The following DCK variants were observed in gnomAD, a reference collection of about 807,000 sequenced individuals.
DCK encodes deoxyadenosine kinase.
In DCK, 23 loss-of-function variants were observed where a neutral mutation model predicts 38.3. The observed-to-expected ratio is 0.60, with a 90% confidence interval of 0.43 to 0.85. The LOEUF is 0.85. DCK is among the 40% of genes least tolerant of loss of function. The pLI is 0.00. For missense variants in DCK, 259 were observed against 304.4 expected, an observed-to-expected ratio of 0.85 and a Z score of 1.11; for synonymous variants, 108 against 100.6, an observed-to-expected ratio of 1.07 and a Z score of -0.44.
At chr4:71,001,572 T>C (rs940057590) in intron 2 of DCK, among the ~76,000 whole-genome samples, 2 of 152,316 alleles carry the variant, frequency 1.3e-5, no homozygotes, top group Admixed American at 1.3e-4. Flanking sequence ...TACCAGTTCC[T>C]CTTTCTACCT....
chr4:71,008,178 G>A (rs1260050273), intron 2 of DCK, among the ~76,000 whole-genome samples: 1 of 152,188 alleles, frequency 6.6e-6, no homozygotes, highest in East Asian at 1.9e-4. Context: ...GTAGGAATAA[G>A]AAGTAAAATT....
chr4:70,993,994 G>A, intron 1 of DCK, 68 bp downstream of exon 1: 1 of 1,127,796 alleles, frequency 8.9e-7, no homozygotes, highest in Non-Finnish European at 1.3e-6. Flanking sequence ...GCTTCCCTTC[G>A]CCGCATCTCT....
At chr4:71,002,165 G>A (rs529137709) in intron 2 of DCK, among the ~76,000 whole-genome samples, 154 of 152,200 alleles carry the variant, frequency 1.0e-3, no homozygotes, top group African/African-American at 3.3e-3. Flanking sequence ...ATTGTGGTAC[G>A]TTATGTCTTT....
chr4:71,006,364 A>G (rs1739942538), intron 2 of DCK: 4 of 731,166 alleles, frequency 5.5e-6, no homozygotes, highest in Non-Finnish European at 6.7e-6. Context: ...ACCAAAATGT[A>G]TGGTTGTATG....
In DCK at chr4:71,022,542, G is replaced by T. The variant is rs1480788335; in HGVS notation, c.383G>T (p.Arg128Leu). 3.1e-6 allele frequency: 5 copies of T among 1,588,814 alleles called. No individual in the cohort carries two copies. Among genetic ancestry groups the T allele is most frequent in the East Asian group, 2.3e-5 (1 of 44,232 alleles). Reference protein sequence around the residue: ...DAEKPVLFFERSVYSDRYIFA... With the variant: ...DAEKPVLFFELSVYSDRYIFA... Reference sequence around the variant, plus strand: ...GAGAAACCTGTATTATTTTTTGAACGATCTGTGTATAGTGACAGGTATGTA... The same window carrying T: ...GAGAAACCTGTATTATTTTTTGAACTATCTGTGTATAGTGACAGGTATGTA... Residue 128 changes from arginine (R) to leucine (L), a missense_variant, in exon 3 of 7, where the codon CGA (arginine) becomes CTA (leucine). Transcript: ENST00000286648.
chr4:70,994,328 G>C (rs759683327), intron 1 of DCK, among the ~76,000 whole-genome samples: 5 of 152,188 alleles, frequency 3.3e-5, no homozygotes, highest in Non-Finnish European at 5.9e-5. Flanking sequence ...CCATGATCGA[G>C]ATACAGAACA....
At chr4:71,006,914 T>C (rs1157773475) in intron 2 of DCK, among the ~76,000 whole-genome samples, 2 of 152,132 alleles carry the variant, frequency 1.3e-5, no homozygotes, top group African/African-American at 4.8e-5. Flanking sequence ...AAAAAGTATC[T>C]AAAAAAATTT....
At chr4:71,013,832 T>C (rs867663508) in intron 2 of DCK, among the ~76,000 whole-genome samples, 87 of 152,240 alleles carry the variant, frequency 5.7e-4, no homozygotes, top group Admixed American at 2.2e-3. Context: ...CCATCGAGGC[T>C]AGGAGGAAAC....
At chr4:71,025,952 C>G (rs1376761841) in intron 5 of DCK, 21 bp downstream of exon 5, 1 of 1,556,036 alleles carries the variant, frequency 6.4e-7, no homozygotes, top group Non-Finnish European at 8.6e-7. Flanking sequence ...TTTTTATTTA[C>G]TATTCATTTT....
intron 2 of DCK, among the ~76,000 whole-genome samples, chr4:71,011,932 T>C (rs1031766507): frequency 3.9e-5 from 6 of 152,252 alleles, no homozygotes; most frequent in Non-Finnish European, 7.3e-5. Flanking sequence ...ATGTATCTTT[T>C]ACATAGTTGA....
chr4:70,995,847 T>C (rs1048430190), intron 1 of DCK, among the ~76,000 whole-genome samples: 2 of 152,196 alleles, frequency 1.3e-5, no homozygotes, highest in Non-Finnish European at 2.9e-5. Context: ...TGATTTTGCC[T>C]TTACCTACAC....
At position 70,998,047 on chromosome 4, in the gene DCK, T is replaced by G; in HGVS notation, c.92-20T>G. 7.4e-7 allele frequency: 1 copy of G among 1,342,418 alleles called. No individual in the cohort carries two copies. The highest frequency in any genetic ancestry group is 1.3e-5 in the South Asian group (1 of 75,314). 83.2% of individuals were successfully genotyped at this position (1,342,418 alleles called of 1,614,324 possible). A position where few individuals can be genotyped will look rare whatever the true frequency, so the allele number is the denominator to read the frequency against. ...TTCCTGACAACTTTTCTTCCTCAATTTTATCTTTCCTCACAACAGCTGCAG... is the reference window on the plus strand; with the variant it reads ...TTCCTGACAACTTTTCTTCCTCAATGTTATCTTTCCTCACAACAGCTGCAG... On this transcript the variant is annotated intron_variant, in intron 1 of 6. Transcript: ENST00000286648.
In DCK at chr4:71,013,563, G is replaced by A. The variant is rs530024797; in HGVS notation, c.208-8804G>A. On this transcript the variant is annotated intron_variant, in intron 2 of 6. Transcript: ENST00000286648. ...CCATCAGACTAACAGTGGATCTCGC[G>A]GCAGAAACGCTACAAGCCAGGAGAG... is the stretch of plus-strand genomic sequence containing the variant. Among the ~76,000 whole-genome samples the A allele has an allele frequency of 1.2e-3, 176 of 152,276 alleles. 1 individual carries two copies. The highest frequency in any genetic ancestry group is 4.1e-3 in the African/African-American group (171 of 41,556).
At chr4:71,021,492 A>G (rs1454876337) in intron 2 of DCK, among the ~76,000 whole-genome samples, 1 of 152,216 alleles carries the variant, frequency 6.6e-6, no homozygotes, top group Non-Finnish European at 1.5e-5. Flanking sequence ...TTGAATTGCA[A>G]AATCTGGGGC....
intron 2 of DCK, among the ~76,000 whole-genome samples, chr4:71,005,348 A>G (rs1163151261): frequency 6.6e-6 from 1 of 151,992 alleles, no homozygotes; most frequent in Non-Finnish European, 1.5e-5. Flanking sequence ...TCGGAAATGC[A>G]GAAATCACCC....
chr4:71,012,433 C>A (rs550847514), intron 2 of DCK, among the ~76,000 whole-genome samples: 1 of 152,258 alleles, frequency 6.6e-6, no homozygotes, highest in Non-Finnish European at 1.5e-5. Context: ...TCTCTCAGCA[C>A]GGAGTTTGAG....
intron 2 of DCK, among the ~76,000 whole-genome samples, chr4:71,010,535 T>C (rs937449822): frequency 4.7e-5 from 7 of 150,202 alleles, no homozygotes; most frequent in Non-Finnish European, 7.4e-5. Flanking sequence ...TCACTATTAT[T>C]GTGAAGTACT....
Position 71,023,723 on chromosome 4 carries a change from A to C in DCK, c.549+17A>C. The C allele has an allele frequency of 6.3e-7, 1 of 1,595,178 alleles. No individual in the cohort carries two copies. The highest frequency in any genetic ancestry group is 8.5e-7 in the Non-Finnish European group (1 of 1,173,812). ...ACTCCAGAGGTAAAACCCAATAAAA[A>C]TGTGTTTCACTGAAAATTTAAAGAA... On this transcript the variant is annotated intron_variant, in intron 4 of 6. Transcript: ENST00000286648.
At chr4:71,011,717 A>T (rs548624269) in intron 2 of DCK, among the ~76,000 whole-genome samples, 1 of 152,322 alleles carries the variant, frequency 6.6e-6, no homozygotes, top group South Asian at 2.1e-4. Context: ...GTTGAACTTA[A>T]TTCAACTCTT....
Sources: allele counts gnomAD v4.1 joint callset (sites outside exome capture counted in the v4.1 genomes callset), GRCh38; gene constraint gnomAD v4.1.1; transcripts MANE v1.5; gene names NCBI Gene and HGNC (gene_info 2026-07-23, HGNC 2026-07-21).